GHR: variants seen among roughly 807,000 people sequenced by gnomAD.
The protein encoded by GHR is GH receptor.
A neutral mutation model predicts 67.1 loss-of-function variants in GHR; 35 were observed. The ratio of observed to expected loss-of-function variants is 0.52; its 90% CI spans 0.40 to 0.69. The LOEUF (loss-of-function observed/expected upper bound fraction) is 0.69, where lower values mean the gene tolerates loss of function less well. Among genes scored for constraint, GHR ranks in the 30% least tolerant of loss-of-function variants. GHR has a pLI of 0.00. For missense variants in GHR, 792 were observed against 764.6 expected, an observed-to-expected ratio of 1.04 and a Z score of -0.42; for synonymous variants, 272 against 269.1, an observed-to-expected ratio of 1.01 and a Z score of -0.10.
chr5:42,664,082 T>G (rs1009222538), intron 3 of GHR, among the ~76,000 whole-genome samples: 15 of 152,014 alleles, frequency 9.9e-5, no homozygotes, highest in Admixed American at 2.0e-4. Flanking sequence ...CACTGCTCAA[T>G]GAAATAAAAG....
chr5:42,634,803 A>G (rs1580096015), intron 3 of GHR, among the ~76,000 whole-genome samples: 1 of 152,106 alleles, frequency 6.6e-6, no homozygotes, highest in Non-Finnish European at 1.5e-5. Context: ...TATCAGTTCA[A>G]CTGCCAAGGG....
At chr5:42,580,491 T>C (rs895959179) in intron 2 of GHR, among the ~76,000 whole-genome samples, 7 of 152,196 alleles carry the variant, frequency 4.6e-5, no homozygotes, top group African/African-American at 1.7e-4. Context: ...AAGTTGATCT[T>C]TAATATTTTA....
chr5:42,489,998 T>C (rs1561072632), intron 1 of GHR, among the ~76,000 whole-genome samples: 3 of 152,088 alleles, frequency 2.0e-5, no homozygotes, highest in African/African-American at 7.2e-5. Flanking sequence ...AGCAAGAACA[T>C]TTTCATAAGA....
intron 2 of GHR, among the ~76,000 whole-genome samples, chr5:42,568,567 T>C (rs1212482907): frequency 6.6e-6 from 1 of 152,196 alleles, no homozygotes; most frequent in Non-Finnish European, 1.5e-5. Context: ...ATATAAGTAT[T>C]CTTCCAAGGA....
intron 1 of GHR, among the ~76,000 whole-genome samples, chr5:42,463,917 C>G (rs531802913): frequency 1.7e-3 from 244 of 143,692 alleles, no homozygotes; most frequent in Non-Finnish European, 2.7e-3. Context: ...GGCGTGAACC[C>G]GAGAGGCGGA....
At chr5:42,531,359 T>A (rs1458977277) in intron 1 of GHR, among the ~76,000 whole-genome samples, 1 of 152,184 alleles carries the variant, frequency 6.6e-6, no homozygotes, top group Non-Finnish European at 1.5e-5. Context: ...CAATTCTCGA[T>A]GGTTAGAACT....
Position 42,719,147 on chromosome 5 carries a change from C to T in GHR, c.1640C>T (p.Ala547Val), listed in dbSNP as rs886060642. 1 of 1,614,072 alleles carries T rather than the reference C, an allele frequency of 6.2e-7. No individual in the cohort carries two copies. The highest frequency in any genetic ancestry group is 2.2e-5 in the East Asian group (1 of 44,872). The part of the protein sequence containing the change: ...EADAKKCIPV[A>V]PHIKVESHIQ... Reference sequence around the variant, plus strand: ...GATGCCAAAAAGTGCATCCCTGTGGCTCCTCACATCAAGGTTGAATCACAC... The same window carrying T: ...GATGCCAAAAAGTGCATCCCTGTGGTTCCTCACATCAAGGTTGAATCACAC... Residue 547 changes from alanine (A) to valine (V), a missense_variant, in exon 10 of 10, where the codon GCT becomes GTT. Coordinates refer to ENST00000230882, the MANE Select transcript of GHR (RefSeq NM_000163.5).
At chr5:42,657,573 A>G (rs1356346348) in intron 3 of GHR, among the ~76,000 whole-genome samples, 2 of 152,170 alleles carry the variant, frequency 1.3e-5, no homozygotes, top group African/African-American at 4.8e-5. Flanking sequence ...ATAAGTAGAT[A>G]CTTGCCAATA....
At chr5:42,663,438 A>G (rs1435777680) in intron 3 of GHR, among the ~76,000 whole-genome samples, 2 of 152,242 alleles carry the variant, frequency 1.3e-5, no homozygotes, top group African/African-American at 4.8e-5. Context: ...GGCTGGTTCA[A>G]TATTTGCAAA....
intron 1 of GHR, among the ~76,000 whole-genome samples, chr5:42,500,197 AC>A (rs1174946057): frequency 6.6e-6 from 1 of 152,174 alleles, no homozygotes; most frequent in African/African-American, 2.4e-5. Flanking sequence ...CTTAGCTGAG[AC>A]TTTGTGCCAG....
intron 1 of GHR, among the ~76,000 whole-genome samples, chr5:42,476,631 C>A (rs929552659): frequency 6.6e-6 from 1 of 152,174 alleles, no homozygotes; most frequent in African/African-American, 2.4e-5. Context: ...GAAAATGATT[C>A]TCCTTTTCCT....
At chr5:42,535,368 G>T (rs544169369) in intron 1 of GHR, among the ~76,000 whole-genome samples, 1 of 151,932 alleles carries the variant, frequency 6.6e-6, no homozygotes. Context: ...TTTTATTCTC[G>T]TATATGTGAC....
chr5:42,553,945 A>C (rs1274865307), intron 1 of GHR, among the ~76,000 whole-genome samples: 2 of 152,080 alleles, frequency 1.3e-5, no homozygotes, highest in African/African-American at 4.8e-5. Context: ...ACATTAATTG[A>C]TTGGTTGAAT....
intron 1 of GHR, chr5:42,550,242 G>A (rs1034368622): frequency 2.3e-5 from 4 of 173,574 alleles, no homozygotes; most frequent in Admixed American, 6.5e-5. Context: ...CAGCTTGGCC[G>A]GCACCAGCTC....
intron 2 of GHR, among the ~76,000 whole-genome samples, chr5:42,581,881 C>A (rs1046309672): frequency 6.6e-6 from 1 of 152,208 alleles, no homozygotes; most frequent in Non-Finnish European, 1.5e-5. Context: ...CAGGAAGCAC[C>A]CCCTGCTCCT....
At chr5:42,582,695 C>A (rs1351272731) in intron 2 of GHR, among the ~76,000 whole-genome samples, 1 of 152,242 alleles carries the variant, frequency 6.6e-6, no homozygotes, top group Non-Finnish European at 1.5e-5. Flanking sequence ...CTTTGGGGAG[C>A]CCAGACCTGT....
intron 2 of GHR, among the ~76,000 whole-genome samples, chr5:42,611,667 CAA>C (rs1422656950): frequency 6.6e-6 from 1 of 152,054 alleles, no homozygotes; most frequent in Non-Finnish European, 1.5e-5. Context: ...CAAAAGTAAA[CAA>C]AGAGGGTTCC....
chr5:42,592,628 G>A (rs1466580551), intron 2 of GHR, among the ~76,000 whole-genome samples: 1 of 152,204 alleles, frequency 6.6e-6, no homozygotes, highest in Non-Finnish European at 1.5e-5. Flanking sequence ...ATTCCATGGT[G>A]TATATGTATC....
intron 3 of GHR, among the ~76,000 whole-genome samples, chr5:42,645,902 G>A (rs1033321462): frequency 3.9e-5 from 6 of 152,172 alleles, no homozygotes; most frequent in African/African-American, 1.2e-4. Context: ...GTACTCATTT[G>A]CACCATATGC....
Sources: gnomAD v4.1 joint callset for allele counts (sites outside exome capture counted in the v4.1 genomes callset) on GRCh38, gnomAD v4.1.1 for gene constraint, MANE v1.5 for transcripts, NCBI Gene and HGNC (gene_info 2026-07-23, HGNC 2026-07-21) for gene names.